The following SMAD4 variants were observed in gnomAD, a reference collection of about 807,000 sequenced individuals.
The protein encoded by SMAD4 is MAD homolog 4.
Under a neutral mutation model 63.2 loss-of-function variants are expected in SMAD4, and 7 were observed. The observed-to-expected ratio is 0.11, with a 90% CI of 0.06 to 0.21. SMAD4 has a LOEUF of 0.21. SMAD4 is among the 10% of genes least tolerant of loss of function. The pLI is 1.00. For synonymous variants in SMAD4, 215 were observed against 235.4 expected (o/e 0.91, Z 0.79); for missense variants, 312 against 693.8 (o/e 0.45, Z 6.18).
At chr18:51,058,012 TGCCCA>T in intron 5 of SMAD4, 108 bp from the exon 6 acceptor site, 1 of 1,255,866 alleles carries the variant, frequency 8.0e-7, no homozygotes. Context: ...TTACACTTTT[TGCCCA>T]TCTTTATAGT....
intron 1 of SMAD4, among the ~76,000 whole-genome samples, chr18:51,043,319 C>G (rs956314088): frequency 2.0e-5 from 3 of 152,082 alleles, no homozygotes; most frequent in Admixed American, 6.5e-5. Context: ...TCCCACATTT[C>G]TTTTATGTAC....
chr18:51,034,277 G>T (rs981626262), intron 1 of SMAD4, among the ~76,000 whole-genome samples: 1 of 134,628 alleles, frequency 7.4e-6, no homozygotes, highest in South Asian at 2.2e-4. Context: ...ACGGAGTTTC[G>T]CTCTTGTCAC....
intron 2 of SMAD4, 109 bp downstream of exon 2, chr18:51,047,404 C>T: frequency 1.1e-6 from 1 of 940,952 alleles, no homozygotes. Context: ...TCCATCTCTT[C>T]AGATACTGTG....
Position 51,048,757 on chromosome 18 carries a change from T to C in SMAD4, c.321T>C (p.Asn107=). The change falls in exon 3 of 12, where the codon AAT becomes AAC. Residue 107 remains asparagine (N), a synonymous_variant. Transcript: ENST00000342988. Reference sequence around the variant, plus strand: ...GGAGGTGGCCTGATCTTCACAAAAATGAACTAAAACATGTTAAATATTGTC... The same window carrying C: ...GGAGGTGGCCTGATCTTCACAAAAACGAACTAAAACATGTTAAATATTGTC... The part of the protein sequence containing the change: ...RLWRWPDLHK[N]ELKHVKYCQY... The C allele has an allele frequency of 6.2e-7, 1 of 1,612,560 alleles. No homozygotes were observed. The highest frequency in any genetic ancestry group is 1.1e-5 in the South Asian group (1 of 90,932).
chr18:51,035,852 TC>T (rs1164174005), intron 1 of SMAD4, among the ~76,000 whole-genome samples: 3 of 152,196 alleles, frequency 2.0e-5, no homozygotes, highest in Non-Finnish European at 4.4e-5. Flanking sequence ...AAATATTTTT[TC>T]CCATCTGATT....
At chr18:51,073,323 G>A (rs1271616986) in intron 10 of SMAD4, among the ~76,000 whole-genome samples, 3 of 133,884 alleles carry the variant, frequency 2.2e-5, no homozygotes, top group Non-Finnish European at 4.6e-5. Context: ...GAATCTTGGA[G>A]ATTATAATTA....
rs1355509743 is a variant in SMAD4, at chr18:51,081,902, T to G, written c.*3435T>G. 4.3e-6 allele frequency: 1 copy of G among 232,228 alleles called. No homozygotes were observed. The highest frequency in any genetic ancestry group is 8.5e-6 in the Non-Finnish European group (1 of 117,524). The allele number at this position is 232,228 out of a possible 1,614,324, so 14.4% of individuals were successfully genotyped here. A position where few individuals can be genotyped will look rare whatever the true frequency, so the allele number is the denominator to read the frequency against. On this transcript the variant is annotated 3_prime_UTR_variant, in exon 12 of 12. Transcript: ENST00000342988. The stretch of plus-strand genomic sequence containing the variant: ...GGTTAAAGAATAAAATGGTAAATGT[T>G]TCTGTGCCTGGTTTGATGGTAACTG...
intron 1 of SMAD4, among the ~76,000 whole-genome samples, chr18:51,032,586 T>C (rs1459665306): frequency 6.6e-6 from 1 of 152,182 alleles, no homozygotes; most frequent in Admixed American, 6.5e-5. Flanking sequence ...TTTTCTGTAT[T>C]CCCCTTCAGT....
At chr18:51,056,999 A>G (rs1909863114) in intron 5 of SMAD4, among the ~76,000 whole-genome samples, 1 of 152,184 alleles carries the variant, frequency 6.6e-6, no homozygotes, top group African/African-American at 2.4e-5. Flanking sequence ...AACTTGCAGA[A>G]TCTGGGGGAT....
At chr18:51,070,446 TAAAA>T (rs756412716) in intron 10 of SMAD4, among the ~76,000 whole-genome samples, 1 of 152,142 alleles carries the variant, frequency 6.6e-6, no homozygotes, top group African/African-American at 2.4e-5. Context: ...ATTTGGAATT[TAAAA>T]AAATCTCATT....
rs71171374 is a variant in SMAD4 at position 51,062,851 on chromosome 18, GTTTTTTT to G, written c.956-2554_956-2548del. ...ACAGTCTAGTAATCTGGCTTTACTT[GTTTTTTT>G]TTTTTTTTTTTTTTTTTGAGACGGA... On this transcript the variant is annotated intron_variant, in intron 8 of 11. Coordinates refer to ENST00000342988, the MANE Select transcript of SMAD4 (RefSeq NM_005359.6). Among the ~76,000 whole-genome samples the G allele has an allele frequency of 1.7e-4, 11 of 65,394 alleles. No homozygotes were observed. In the South Asian group the frequency reaches 3.7e-3, roughly 22 times the overall value. The allele number at this position is 65,394 out of a possible 152,430, so 42.9% of individuals were successfully genotyped here.
Position 51,079,506 on chromosome 18 carries a change from G to A in SMAD4, c.*1039G>A, listed in dbSNP as rs567638921. 191 of 233,358 alleles carry A rather than the reference G, an allele frequency of 8.2e-4. 1 individual carries two copies. The highest frequency in any genetic ancestry group is 3.5e-3 in the African/African-American group (158 of 45,430). 14.5% of individuals were successfully genotyped at this position (233,358 alleles called of 1,614,324 possible). ...AGGTAGTTTGGATATTTTTGTACTTGATTTGATGTGACTTTTTTTGGTATA... is the reference window on the plus strand; with the variant it reads ...AGGTAGTTTGGATATTTTTGTACTTAATTTGATGTGACTTTTTTTGGTATA... On this transcript the variant is annotated 3_prime_UTR_variant, in exon 12 of 12. Transcript: ENST00000342988.
Position 51,081,434 on chromosome 18 carries a change from CT to C in SMAD4, c.*2968del, listed in dbSNP as rs574286440. 2.4e-3 allele frequency: 557 copies of C among 230,626 alleles called. 3 individuals carry two copies. The highest frequency in any genetic ancestry group is 7.0e-3 in the African/African-American group (318 of 45,236). The allele number at this position is 230,626 out of a possible 1,614,324, so 14.3% of individuals were successfully genotyped here. A position where few individuals can be genotyped will look rare whatever the true frequency, so the allele number is the denominator to read the frequency against. On this transcript the variant is annotated 3_prime_UTR_variant, in exon 12 of 12. Coordinates refer to ENST00000342988, the MANE Select transcript of SMAD4 (RefSeq NM_005359.6). Reference sequence around the variant, plus strand: ...TCTCATTTTTAATAGTTTACCGCCCCTGGTATACAAAGATAATGACAATAAA... The same window carrying C: ...TCTCATTTTTAATAGTTTACCGCCCCGGTATACAAAGATAATGACAATAAA...
intron 1 of SMAD4, among the ~76,000 whole-genome samples, chr18:51,035,206 TCA>T (rs1307602513): frequency 6.6e-6 from 1 of 152,250 alleles, no homozygotes; most frequent in African/African-American, 2.4e-5. Flanking sequence ...TTCTTCACTT[TCA>T]GTTTATTTGA....
chr18:51,054,790 G>A lies in SMAD4; in HGVS notation c.464G>A (p.Ser155Asn), dbSNP rs199790852. Residue 155 changes from serine (S) to asparagine (N), a missense_variant, in exon 5 of 12, where the codon AGT becomes AAT. Coordinates refer to ENST00000342988, the MANE Select transcript of SMAD4 (RefSeq NM_005359.6). ...GLTLQSNAPS[S>N]MMVKDEYVHD... ...TTAATTTTCTATATAGCTCCATCAA[G>A]TATGATGGTGAAGGATGAATATGTG... is the stretch of plus-strand genomic sequence containing the variant. The A allele has an allele frequency of 1.3e-6, 2 of 1,594,684 alleles. No individual in the cohort carries two copies. The highest frequency in any genetic ancestry group is 2.7e-5 in the African/African-American group (2 of 74,646).
chr18:51,076,205 G>C (rs1402214372), intron 10 of SMAD4, among the ~76,000 whole-genome samples: 4 of 152,130 alleles, frequency 2.6e-5, no homozygotes, highest in Non-Finnish European at 5.9e-5. Flanking sequence ...GTGCCATTTT[G>C]TTAAACTCCT....
chr18:51,058,889 G>A (rs1277244083), intron 7 of SMAD4, among the ~76,000 whole-genome samples: 1 of 152,100 alleles, frequency 6.6e-6, no homozygotes, highest in Non-Finnish European at 1.5e-5. Flanking sequence ...ATGATTGGGA[G>A]GAATACCCTA....
intron 10 of SMAD4, among the ~76,000 whole-genome samples, chr18:51,075,005 C>T (rs1910436200): frequency 6.6e-6 from 1 of 152,080 alleles, no homozygotes; most frequent in African/African-American, 2.4e-5. Context: ...CCACCATGCC[C>T]CTGTCATTGC....
At chr18:51,051,698 C>G (rs957014203) in intron 4 of SMAD4, among the ~76,000 whole-genome samples, 3 of 152,154 alleles carry the variant, frequency 2.0e-5, no homozygotes, top group Admixed American at 1.3e-4. Flanking sequence ...GAGATAGGTG[C>G]TGTGTCCTGG....
Sources: allele counts gnomAD v4.1 joint callset (sites outside exome capture counted in the v4.1 genomes callset), GRCh38; gene constraint gnomAD v4.1.1; transcripts MANE v1.5; gene names NCBI Gene and HGNC (gene_info 2026-07-23, HGNC 2026-07-21).